The following HUNK variants were observed in gnomAD, a reference collection of about 807,000 sequenced individuals.
The protein encoded by HUNK is hormonally up-regulated neu tumor-associated kinase.
HUNK carries 21 observed loss-of-function variants against 61.0 expected under a neutral mutation model. That is an observed-to-expected ratio of 0.34 (90% CI 0.24 to 0.50). The LOEUF (loss-of-function observed/expected upper bound fraction) is 0.50. HUNK is among the 20% of genes least tolerant of loss of function. HUNK has a pLI of 0.98. For synonymous variants in HUNK, 371 were observed against 386.1 expected (o/e 0.96, Z 0.46); for missense variants, 772 against 945.7 (o/e 0.82, Z 2.41).
intron 10 of HUNK, among the ~76,000 whole-genome samples, chr21:31,996,533 C>A (rs767504996): frequency 1.3e-5 from 2 of 152,164 alleles, no homozygotes; most frequent in African/African-American, 4.8e-5. Context: ...AATATGTTTC[C>A]CTCCTCTGGG....
chr21:31,908,862 T>C (rs1321340221), intron 1 of HUNK, among the ~76,000 whole-genome samples: 1 of 152,122 alleles, frequency 6.6e-6, no homozygotes, highest in Non-Finnish European at 1.5e-5. Flanking sequence ...TTAAGACCAT[T>C]GGGTGTTCAG....
Position 32,003,806 on chromosome 21 carries a change from T to C in HUNK, c.*4622T>C, listed in dbSNP as rs1012934173. ...GTCTGTGGGCACTAAGGGACTGAGGTTGGGGGAGAAAGCTGAGGAGGCTTT... is the reference window on the plus strand; with the variant it reads ...GTCTGTGGGCACTAAGGGACTGAGGCTGGGGGAGAAAGCTGAGGAGGCTTT... On this transcript the variant is annotated 3_prime_UTR_variant, in exon 11 of 11. Transcript: ENST00000270112. 18 of 152,138 alleles carry C rather than the reference T, an allele frequency of 1.2e-4. No individual in the cohort carries two copies. The highest frequency in any genetic ancestry group is 4.3e-4 in the African/African-American group (18 of 41,400). 9.4% of individuals were successfully genotyped at this position (152,138 alleles called of 1,614,324 possible).
At chr21:31,899,245 T>C (rs76445825) in intron 1 of HUNK, among the ~76,000 whole-genome samples, 2,815 of 152,312 alleles carry the variant, frequency 0.018, 79 homozygotes, top group Admixed American at 0.073. Flanking sequence ...AGAAATTTAT[T>C]ATCTCACAGT....
intron 1 of HUNK, among the ~76,000 whole-genome samples, chr21:31,923,822 T>C (rs2052641276): frequency 6.6e-6 from 1 of 152,156 alleles, no homozygotes; most frequent in Non-Finnish European, 1.5e-5. Context: ...AATGTGATCC[T>C]GAGTAACAAC....
intron 10 of HUNK, among the ~76,000 whole-genome samples, chr21:31,996,242 G>A (rs527410521): frequency 6.6e-6 from 1 of 152,198 alleles, no homozygotes; most frequent in Non-Finnish European, 1.5e-5. Context: ...GCACAGTATT[G>A]CAGGAGCAGA....
At chr21:31,952,024 G>A (rs1250677620) in intron 4 of HUNK, among the ~76,000 whole-genome samples, 7 of 75,116 alleles carry the variant, frequency 9.3e-5, no homozygotes, top group Non-Finnish European at 1.8e-4. Flanking sequence ...TAAAGTACGA[G>A]ATTTTTTTTT....
At chr21:31,965,242 A>T (rs1201296351) in intron 5 of HUNK, among the ~76,000 whole-genome samples, 5 of 152,082 alleles carry the variant, frequency 3.3e-5, no homozygotes. Context: ...GTGGGAGCTA[A>T]GTAATGAGAA....
rs1467890369 is a variant in HUNK, at chr21:31,947,291, AGCC to A, written c.746+1121_746+1123del. On this transcript the variant is annotated intron_variant, in intron 4 of 10. Transcript: ENST00000270112. ...TGCGCATTCCCACATCCCGGGCTCA[AGCC>A]AGTGGCGCCTGCGCATTCCCACATC... 5.1e-4 allele frequency among the ~76,000 whole-genome samples: 71 copies of A among 138,688 alleles called. 2 individuals are homozygous for A. Among genetic ancestry groups the A allele is most frequent in the African/African-American group, 1.9e-3 (65 of 34,658 alleles). The allele number at this position is 138,688 out of a possible 152,430, so 91.0% of individuals were successfully genotyped here.
At chr21:31,985,586 A>G (rs1464592059) in intron 8 of HUNK, among the ~76,000 whole-genome samples, 2 of 152,166 alleles carry the variant, frequency 1.3e-5, no homozygotes, top group African/African-American at 4.8e-5. Flanking sequence ...GAAACTGGCA[A>G]AGACAGGGCT....
intron 8 of HUNK, among the ~76,000 whole-genome samples, chr21:31,986,449 T>C (rs1220325853): frequency 3.3e-5 from 5 of 152,122 alleles, no homozygotes; most frequent in Non-Finnish European, 7.4e-5. Context: ...ACTCTCTTGC[T>C]TCCGGGATGG....
intron 5 of HUNK, among the ~76,000 whole-genome samples, chr21:31,961,351 C>T (rs760188130): frequency 9.2e-5 from 14 of 152,196 alleles, no homozygotes; most frequent in Non-Finnish European, 1.6e-4. Context: ...AATAAAGATG[C>T]TGTAAACATT....
intron 2 of HUNK, among the ~76,000 whole-genome samples, chr21:31,928,116 A>C (rs1477179744): frequency 6.6e-6 from 1 of 152,184 alleles, no homozygotes; most frequent in Non-Finnish European, 1.5e-5. Context: ...GTTTATTAAG[A>C]TGACAAAGGC....
chr21:31,922,624 G>C lies in HUNK; in HGVS notation c.262-1844G>C, dbSNP rs529346092. Reference sequence around the variant, plus strand: ...TTACAGGCACGAGCCACCACGCCCGGCCTCTTAGCAGTTTTCAAGTGTGCA... The same window carrying C: ...TTACAGGCACGAGCCACCACGCCCGCCCTCTTAGCAGTTTTCAAGTGTGCA... On this transcript the variant is annotated intron_variant, in intron 1 of 10. Coordinates refer to ENST00000270112, the MANE Select transcript of HUNK (RefSeq NM_014586.2). Among the ~76,000 whole-genome samples the C allele has an allele frequency of 2.0e-5, 3 of 152,302 alleles. No individual in the cohort carries two copies. In the East Asian group the frequency reaches 5.8e-4, roughly 29 times the overall value.
chr21:31,928,777 C>A (rs190574546), intron 2 of HUNK, among the ~76,000 whole-genome samples: 1 of 152,112 alleles, frequency 6.6e-6, no homozygotes, highest in Admixed American at 6.6e-5. Context: ...TTTGGGTGTT[C>A]GTATTTCAGC....
chr21:31,968,415 G>T lies in HUNK; in HGVS notation c.1010+30G>T, dbSNP rs756687878. 4 of 1,613,020 alleles carry T rather than the reference G, an allele frequency of 2.5e-6. No individual in the cohort carries two copies. In the East Asian group the frequency reaches 8.9e-5, roughly 36 times the overall value. ...TTTCGTGCACCCAGAGGAACTCCTC[G>T]GGAGAGACGGGGCCTGTCCTACTAG... On this transcript the variant is annotated intron_variant, in intron 6 of 10. Transcript: ENST00000270112.
At chr21:31,983,830 C>T (rs149169736) in intron 8 of HUNK, among the ~76,000 whole-genome samples, 1,603 of 152,256 alleles carry the variant, frequency 0.011, 33 homozygotes, top group African/African-American at 0.035. Flanking sequence ...TCACGGGGAG[C>T]GTTTAAACAT....
chr21:31,927,340 G>A (rs1289096404), intron 2 of HUNK, among the ~76,000 whole-genome samples: 1 of 144,006 alleles, frequency 6.9e-6, no homozygotes, highest in East Asian at 2.1e-4. Flanking sequence ...GCCGTGCCCA[G>A]CCATGAAAGC....
intron 7 of HUNK, among the ~76,000 whole-genome samples, chr21:31,980,406 C>T (rs1229504150): frequency 7.6e-6 from 1 of 132,276 alleles, no homozygotes; most frequent in Non-Finnish European, 1.6e-5. Context: ...GAGATGGAGT[C>T]TCGCTCTGTC....
chr21:31,989,583 G>A (rs2053157166), intron 8 of HUNK, among the ~76,000 whole-genome samples: 1 of 152,000 alleles, frequency 6.6e-6, no homozygotes, highest in South Asian at 2.1e-4. Context: ...GTGTGGTGGT[G>A]CACGCCTGTA....
Sources: gnomAD v4.1 joint callset for allele counts (sites outside exome capture counted in the v4.1 genomes callset) on GRCh38, gnomAD v4.1.1 for gene constraint, MANE v1.5 for transcripts, NCBI Gene and HGNC (gene_info 2026-07-23, HGNC 2026-07-21) for gene names.